The following NHSL1 variants were observed in gnomAD, a reference collection of about 807,000 sequenced individuals.
The protein encoded by NHSL1 is NHS-like protein 1.
Under a neutral mutation model 95.0 loss-of-function variants are expected in NHSL1, and 48 were observed. That is an observed-to-expected ratio of 0.51 (90% CI 0.40 to 0.64). The LOEUF (loss-of-function observed/expected upper bound fraction) is 0.64. Among genes scored for constraint, NHSL1 ranks in the 30% least tolerant of loss-of-function variants. The probability of loss-of-function intolerance (pLI) is 0.00; values close to 1 mark genes in which losing one functional copy is unlikely to be tolerated. For synonymous variants in NHSL1, 783 were observed against 833.9 expected, an observed-to-expected ratio of 0.94 and a Z score of 1.05; for missense variants, 1,971 against 2,077.7, an observed-to-expected ratio of 0.95 and a Z score of 1.00.
At chr6:138,649,979 A>G (rs1785067977) in intron 1 of NHSL1, among the ~76,000 whole-genome samples, 1 of 152,096 alleles carries the variant, frequency 6.6e-6, no homozygotes, top group Admixed American at 6.6e-5. Context: ...GGATTCTGCC[A>G]ACTCCCCATT....
intron 1 of NHSL1, among the ~76,000 whole-genome samples, chr6:138,563,536 G>T (rs983986748): frequency 2.0e-5 from 3 of 152,184 alleles, no homozygotes; most frequent in Non-Finnish European, 2.9e-5. Context: ...ATAGTGAAGA[G>T]ATTATCAATC....
intron 5 of NHSL1, among the ~76,000 whole-genome samples, chr6:138,435,987 T>C (rs1003930964): frequency 2.6e-5 from 4 of 152,180 alleles, no homozygotes; most frequent in African/African-American, 7.2e-5. Context: ...ATAATTGATA[T>C]ATGTTGTGTG....
At chr6:138,596,661 A>C (rs1784306175) in intron 1 of NHSL1, among the ~76,000 whole-genome samples, 1 of 152,142 alleles carries the variant, frequency 6.6e-6, no homozygotes, top group African/African-American at 2.4e-5. Context: ...AAGGACATCG[A>C]GGAGCTCAAT....
At chr6:138,552,659 C>T (rs2128334392) in intron 1 of NHSL1, among the ~76,000 whole-genome samples, 1 of 152,222 alleles carries the variant, frequency 6.6e-6, no homozygotes, top group Admixed American at 6.5e-5. Context: ...CTTCTGGTTT[C>T]ATCTTCCCAG....
intron 3 of NHSL1, among the ~76,000 whole-genome samples, chr6:138,471,916 T>G (rs927949067): frequency 3.3e-5 from 5 of 152,120 alleles, no homozygotes; most frequent in African/African-American, 9.7e-5. Flanking sequence ...CGGTGACTCA[T>G]GCCTGTAATC....
intron 1 of NHSL1, among the ~76,000 whole-genome samples, chr6:138,591,214 T>G (rs1169303276): frequency 6.6e-6 from 1 of 152,204 alleles, no homozygotes; most frequent in African/African-American, 2.4e-5. Flanking sequence ...GGGGAAACAC[T>G]GGTGCTAAAT....
chr6:138,541,403 A>G (rs1289088520), intron 1 of NHSL1, among the ~76,000 whole-genome samples: 1 of 152,222 alleles, frequency 6.6e-6, no homozygotes, highest in Non-Finnish European at 1.5e-5. Flanking sequence ...CATTTAAAAA[A>G]TATTACCTCG....
upstream of NHSL1, among the ~76,000 whole-genome samples, chr6:138,575,867 C>T (rs1783961377): frequency 6.6e-6 from 1 of 152,228 alleles, no homozygotes; most frequent in Non-Finnish European, 1.5e-5. Flanking sequence ...AAATCAGCCC[C>T]TCCTGGCAGC....
intron 1 of NHSL1, among the ~76,000 whole-genome samples, chr6:138,621,601 T>C (rs1486914763): frequency 3.3e-5 from 5 of 152,102 alleles, no homozygotes; most frequent in African/African-American, 9.7e-5. Context: ...GCCTCCTGAA[T>C]AGCTGGGAAT....
At chr6:138,471,337 T>C (rs1169176986) in intron 3 of NHSL1, among the ~76,000 whole-genome samples, 1 of 152,218 alleles carries the variant, frequency 6.6e-6, no homozygotes, top group Non-Finnish European at 1.5e-5. Flanking sequence ...CTTCCTTCTC[T>C]GAGCATCAGT....
chr6:138,514,379 CAGT>C (rs1316944622), intron 1 of NHSL1, among the ~76,000 whole-genome samples: 1 of 152,052 alleles, frequency 6.6e-6, no homozygotes, highest in Non-Finnish European at 1.5e-5. Context: ...AAAAAAAATA[CAGT>C]AGTTCTCCCT....
intron 1 of NHSL1, among the ~76,000 whole-genome samples, chr6:138,554,470 G>A (rs1205852811): frequency 6.6e-6 from 1 of 152,046 alleles, no homozygotes; most frequent in African/African-American, 2.4e-5. Flanking sequence ...TCAACCAGGC[G>A]GACCACAGTT....
chr6:138,445,238 T>C (rs941149439), intron 4 of NHSL1, among the ~76,000 whole-genome samples: 1 of 152,228 alleles, frequency 6.6e-6, no homozygotes, highest in Non-Finnish European at 1.5e-5. Flanking sequence ...TGCACAATCT[T>C]CTTATCTTAT....
intron 2 of NHSL1, among the ~76,000 whole-genome samples, chr6:138,480,951 G>A (rs188948672): frequency 6.6e-6 from 1 of 152,270 alleles, no homozygotes; most frequent in East Asian, 1.9e-4. Context: ...AGATTCTGAA[G>A]CCCAGGTATA....
chr6:138,678,180 GA>G (rs1222237129), intron 1 of NHSL1, among the ~76,000 whole-genome samples: 1 of 94,072 alleles, frequency 1.1e-5, no homozygotes, highest in African/African-American at 5.9e-5. Context: ...AGGGAAAGGG[GA>G]AAAAAGAAGA....
chr6:138,460,770 G>A (rs527344668), intron 3 of NHSL1, among the ~76,000 whole-genome samples: 2 of 151,424 alleles, frequency 1.3e-5, no homozygotes, highest in East Asian at 3.9e-4. Context: ...TTTCCTGTTA[G>A]CTATGCAATA....
chr6:138,573,685 G>A (rs1463692084), upstream of NHSL1, among the ~76,000 whole-genome samples: 1 of 152,188 alleles, frequency 6.6e-6, no homozygotes, highest in Non-Finnish European at 1.5e-5. Flanking sequence ...AGCAGCCTCA[G>A]TTTAAAAGCT....
chr6:138,612,714 C>G (rs1318266221), intron 1 of NHSL1, among the ~76,000 whole-genome samples: 1 of 152,204 alleles, frequency 6.6e-6, no homozygotes, highest in African/African-American at 2.4e-5. Context: ...CAATCATCTT[C>G]CCTTTTAACT....
At chr6:138,466,341 A>G (rs1439867608) in intron 3 of NHSL1, among the ~76,000 whole-genome samples, 1 of 151,234 alleles carries the variant, frequency 6.6e-6, no homozygotes, top group African/African-American at 2.4e-5. Context: ...ACGCCTGGCC[A>G]CTGGCCCCAC....
Sources: allele counts gnomAD v4.1 joint callset (sites outside exome capture counted in the v4.1 genomes callset), GRCh38; gene constraint gnomAD v4.1.1; transcripts MANE v1.5; gene names NCBI Gene and HGNC (gene_info 2026-07-23, HGNC 2026-07-21).